ERICH1: variants seen among roughly 807,000 people sequenced by gnomAD.
ERICH1 encodes the protein glutamate-rich protein 1.
ERICH1 carries 56 observed loss-of-function variants against 39.6 expected under a neutral mutation model. The observed-to-expected ratio is 1.41, with a 90% CI of 1.14 to 1.77. ERICH1 has a LOEUF of 1.77. Ranked by LOEUF, ERICH1 falls within the 40% of genes most tolerant of loss-of-function variation. The pLI is 0.00. For missense variants in ERICH1, 826 were observed against 575.4 expected, an observed-to-expected ratio of 1.44 and a Z score of -4.45; for synonymous variants, 313 against 223.6, an observed-to-expected ratio of 1.40 and a Z score of -3.57.
At chr8:618,562 T>G (rs1175696296) in intron 3 of ERICH1, among the ~76,000 whole-genome samples, 14 of 152,126 alleles carry the variant, frequency 9.2e-5, no homozygotes, top group Admixed American at 9.2e-4. Flanking sequence ...AGCCTCCCCC[T>G]CCCACCCCAC....
At chr8:690,153 G>T (rs1471394769) in intron 3 of ERICH1, among the ~76,000 whole-genome samples, 1 of 152,086 alleles carries the variant, frequency 6.6e-6, no homozygotes, top group Non-Finnish European at 1.5e-5. Flanking sequence ...GGTGGCAGAG[G>T]TCCCAGAACC....
chr8:708,671 G>A (rs1009507224), intron 2 of ERICH1, among the ~76,000 whole-genome samples: 2 of 99,228 alleles, frequency 2.0e-5, no homozygotes, highest in African/African-American at 3.4e-5. Context: ...GAGTGGTTAC[G>A]GGATAATGAG....
chr8:631,582 T>C (rs567925652), intron 3 of ERICH1, among the ~76,000 whole-genome samples: 2 of 152,310 alleles, frequency 1.3e-5, no homozygotes, highest in South Asian at 4.1e-4. Flanking sequence ...CCTCCCACAA[T>C]AGACACTGCC....
intron 1 of ERICH1, among the ~76,000 whole-genome samples, chr8:718,140 A>C (rs1652057727): frequency 6.6e-6 from 1 of 151,930 alleles, no homozygotes; most frequent in Non-Finnish European, 1.5e-5. Context: ...ACACCAGGGT[A>C]CAGATCGGAG....
downstream of ERICH1, chr8:664,103 G>T: frequency 7.3e-6 from 3 of 411,532 alleles, no homozygotes; most frequent in African/African-American, 2.2e-5. Context: ...ACTGACGACT[G>T]CTTCTATGAC....
At chr8:643,500 A>T (rs527470800) in intron 3 of ERICH1, among the ~76,000 whole-genome samples, 1 of 151,332 alleles carries the variant, frequency 6.6e-6, no homozygotes, top group African/African-American at 2.4e-5. Flanking sequence ...ACTGATGGTC[A>T]CCCCCGTGCA....
chr8:648,076 G>C (rs1288452184), intron 3 of ERICH1, among the ~76,000 whole-genome samples: 2 of 67,220 alleles, frequency 3.0e-5, no homozygotes, highest in African/African-American at 7.8e-5. Flanking sequence ...TCCACAGTGA[G>C]GTGCACAGAC....
chr8:716,156 C>T (rs899825595), intron 1 of ERICH1, 149 bp from the exon 2 acceptor site: 2 of 984,162 alleles, frequency 2.0e-6, no homozygotes, highest in East Asian at 2.9e-5. Flanking sequence ...ACGCTGGGCA[C>T]TGCACACCAG....
At chr8:707,202 T>G (rs1813475484) in intron 2 of ERICH1, among the ~76,000 whole-genome samples, 1 of 112,442 alleles carries the variant, frequency 8.9e-6, no homozygotes, top group South Asian at 3.4e-4. Flanking sequence ...CTGATTTTTT[T>G]TGTTTCTTTT....
At chr8:695,941 C>T (rs1810151432) in intron 2 of ERICH1, among the ~76,000 whole-genome samples, 1 of 72,576 alleles carries the variant, frequency 1.4e-5, no homozygotes, top group Non-Finnish European at 2.6e-5. Context: ...TCTCCTTCCT[C>T]CCCATCAGCC....
chr8:638,614 G>A (rs191294411), intron 3 of ERICH1, among the ~76,000 whole-genome samples: 1 of 152,166 alleles, frequency 6.6e-6, no homozygotes, highest in Non-Finnish European at 1.5e-5. Context: ...TCTTGCGATG[G>A]AAACTCCCTT....
intron 3 of ERICH1, among the ~76,000 whole-genome samples, chr8:675,204 CCCCCTCGTGAGGACAGAGACGCGGCGG>C (rs1563233525): frequency 0.03 from 260 of 8,658 alleles, 86 homozygotes; most frequent in Middle Eastern, 0.25. Context: ...AGACGCGGCG[CCCCCTCGTGAGGACAGAGACGCGGCGG>C]CCCCTCGGCG....
At chr8:686,185 CT>C (rs1455323192) in intron 3 of ERICH1, among the ~76,000 whole-genome samples, 3 of 151,946 alleles carry the variant, frequency 2.0e-5, no homozygotes, top group Admixed American at 2.0e-4. Flanking sequence ...CATCTTCTAC[CT>C]TTTTTTCTCA....
At chr8:615,650 CT>C (rs1796866086) in intron 3 of ERICH1, 1 of 183,222 alleles carries the variant, frequency 5.5e-6, no homozygotes, top group Non-Finnish European at 1.1e-5. Flanking sequence ...TGGAAATCAA[CT>C]TAATGGACTG....
At chr8:684,814 A>C (rs1806928099) in intron 3 of ERICH1, among the ~76,000 whole-genome samples, 1 of 152,198 alleles carries the variant, frequency 6.6e-6, no homozygotes. Flanking sequence ...AAAACCAGCA[A>C]GTTTTTATTA....
rs542262667 is a variant in ERICH1 at position 689,695 on chromosome 8, A to G, written c.304+2783T>C. Among the ~76,000 whole-genome samples the G allele has an allele frequency of 3.9e-5, 6 of 152,292 alleles. No homozygotes were observed. The East Asian group carries it at 1.2e-3, about 29-fold the overall frequency. On this transcript the variant is annotated intron_variant, in intron 3 of 5. Coordinates refer to ENST00000262109, the MANE Select transcript of ERICH1 (RefSeq NM_207332.3). ...GTTTCCGGCACCGTGGCATAGGGAC[A>G]CACTGTCGTGCTGCTGGGAAGGTGC...
At chr8:665,071 C>G (rs1262803915) in intron 5 of ERICH1, among the ~76,000 whole-genome samples, 1 of 152,216 alleles carries the variant, frequency 6.6e-6, no homozygotes, top group African/African-American at 2.4e-5. Context: ...TAGAAAAAAG[C>G]CAGAAGTGGA....
At chr8:679,444 T>C in intron 3 of ERICH1, among the ~76,000 whole-genome samples, 1 of 107,062 alleles carries the variant, frequency 9.3e-6, no homozygotes, top group Non-Finnish European at 1.8e-5. Context: ...CCGTCACAGC[T>C]CCCACCCCTC....
At chr8:697,941 G>C (rs910419895) in intron 2 of ERICH1, among the ~76,000 whole-genome samples, 1 of 152,060 alleles carries the variant, frequency 6.6e-6, no homozygotes, top group South Asian at 2.1e-4. Flanking sequence ...GCAGCTGCCT[G>C]ATGGGCTGCA....
Sources: allele counts gnomAD v4.1 joint callset (sites outside exome capture counted in the v4.1 genomes callset), GRCh38; gene constraint gnomAD v4.1.1; transcripts MANE v1.5; gene names NCBI Gene and HGNC (gene_info 2026-07-23, HGNC 2026-07-21).